STRIP2: variants seen among roughly 807,000 people sequenced by gnomAD.
The protein encoded by STRIP2 is striatin-interacting protein 2.
In STRIP2, 84 loss-of-function variants were observed where a neutral mutation model predicts 107.1. The observed-to-expected ratio is 0.78, with a 90% CI of 0.66 to 0.94. The LOEUF (loss-of-function observed/expected upper bound fraction) is 0.94, where lower values mean the gene tolerates loss of function less well. STRIP2 is among the 40% of genes least tolerant of loss of function. STRIP2 has a pLI of 0.00. For synonymous variants in STRIP2, 394 were observed against 400.4 expected (o/e 0.98, Z 0.19); for missense variants, 888 against 1,034.2 (o/e 0.86, Z 1.94).
intron 3 of STRIP2, among the ~76,000 whole-genome samples, chr7:129,451,219 G>A (rs1287357757): frequency 2.0e-5 from 3 of 152,042 alleles, no homozygotes; most frequent in African/African-American, 7.2e-5. Context: ...GATTACAGGC[G>A]TGAGCCACCG....
At chr7:129,459,983 C>T (rs1043552555) in intron 12 of STRIP2, among the ~76,000 whole-genome samples, 1 of 152,166 alleles carries the variant, frequency 6.6e-6, no homozygotes, top group African/African-American at 2.4e-5. Context: ...CATCAAAATT[C>T]TCAGGGCAGT....
chr7:129,462,974 G>A lies in STRIP2; in HGVS notation c.1485G>A (p.Glu495=), dbSNP rs774709000. The A allele has an allele frequency of 1.2e-6, 2 of 1,614,008 alleles. No homozygotes were observed. The highest frequency in any genetic ancestry group is 1.7e-6 in the Non-Finnish European group (2 of 1,179,902). The change falls in exon 14 of 21, where the codon GAG becomes GAA. Residue 495 remains glutamate (E), a synonymous_variant. Coordinates refer to ENST00000249344, the MANE Select transcript of STRIP2 (RefSeq NM_020704.3). Reference sequence around the variant, plus strand: ...TGTATTTCTTGCCATAGGGGGAAGAGGTGGTACCAGAGACGCCATGTGAAA... The same window carrying A: ...TGTATTTCTTGCCATAGGGGGAAGAAGTGGTACCAGAGACGCCATGTGAAA... The part of the protein sequence containing the change: ...LEKCPMSLGE[E]VVPETPCEIL...
Position 129,482,975 on chromosome 7 carries a change from A to G in STRIP2, c.2183A>G (p.Asn728Ser). The change falls in exon 20 of 21, where the codon AAC becomes AGC. Residue 728 changes from asparagine (N) to serine (S), a missense_variant. Physicochemically the swap from Asn to Ser is conservative, Grantham distance 46. Transcript: ENST00000249344. ...CTGGGGCGCCAATGGAGGAAAAGCA[A>G]CATGAAAACCATGTCAGCCATTTAC... is the stretch of plus-strand genomic sequence containing the variant. ...KYLGRQWRKSNMKTMSAIYQK... is the reference protein window; with the variant it reads ...KYLGRQWRKSSMKTMSAIYQK... 2 of 1,614,228 alleles carry G rather than the reference A, an allele frequency of 1.2e-6. No individual in the cohort carries two copies. Among genetic ancestry groups the G allele is most frequent in the Non-Finnish European group, 1.7e-6 (2 of 1,180,030 alleles).
chr7:129,460,298 C>T lies in STRIP2; in HGVS notation c.1405-3C>T, dbSNP rs1224896342. The T allele has an allele frequency of 6.2e-7, 1 of 1,612,868 alleles. No homozygotes were observed. The highest frequency in any genetic ancestry group is 1.7e-5 in the Admixed American group (1 of 59,856). On this transcript the variant is annotated splice_polypyrimidine_tract_variant and splice_region_variant and intron_variant, in intron 12 of 20. Transcript: ENST00000249344. ...CTTGTTGATGTCTTCTTATCTTTGT[C>T]AGCACAAGTATATCTCCATCGCAGA...
At chr7:129,448,979 C>T (rs1190254150) in intron 3 of STRIP2, among the ~76,000 whole-genome samples, 2 of 152,208 alleles carry the variant, frequency 1.3e-5, no homozygotes, top group Non-Finnish European at 2.9e-5. Flanking sequence ...ATCCACTCCA[C>T]CATCCCAATC....
chr7:129,466,134 T>C (rs1035451544), intron 16 of STRIP2, among the ~76,000 whole-genome samples: 1 of 152,108 alleles, frequency 6.6e-6, no homozygotes, highest in African/African-American at 2.4e-5. Flanking sequence ...TGTTTACTTC[T>C]GCTTTTCTTG....
Position 129,456,548 on chromosome 7 carries a change from G to T in STRIP2, c.944G>T (p.Arg315Leu). The T allele has an allele frequency of 6.2e-7, 1 of 1,614,084 alleles. No homozygotes were observed. The highest frequency in any genetic ancestry group is 8.5e-7 in the Non-Finnish European group (1 of 1,180,028). The change falls in exon 9 of 21, where the codon CGT becomes CTT. Residue 315 changes from arginine to leucine, a missense_variant. Physicochemically the swap from Arg to Leu is moderately radical, Grantham distance 102 (BLOSUM62 -2). Transcript: ENST00000249344. ...AGTATCCAGGTGGTGAAGAGCATGC[G>T]TGCTGCCTCCCCGCCCTCTTACACT... ...EDSIQVVKSMRAASPPSYTLD... is the reference protein window; with the variant it reads ...EDSIQVVKSMLAASPPSYTLD...
chr7:129,475,275 A>G (rs894626762), intron 18 of STRIP2, among the ~76,000 whole-genome samples: 1 of 152,156 alleles, frequency 6.6e-6, no homozygotes, highest in Non-Finnish European at 1.5e-5. Flanking sequence ...TGTGCAAGGA[A>G]ATGCTTTGGG....
Position 129,482,978 on chromosome 7 carries a change from T to A in STRIP2, c.2186T>A (p.Met729Lys), listed in dbSNP as rs776224236. ...GGGCGCCAATGGAGGAAAAGCAACA[T>A]GAAAACCATGTCAGCCATTTACCAG... ...YLGRQWRKSNMKTMSAIYQKV... is the reference protein window; with the variant it reads ...YLGRQWRKSNKKTMSAIYQKV... The change falls in exon 20 of 21, where the codon ATG (methionine) becomes AAG (lysine). Residue 729 changes from methionine to lysine, a missense_variant. By Grantham distance (95) the Met-to-Lys change is moderately conservative (BLOSUM62 -1). Coordinates refer to ENST00000249344, the MANE Select transcript of STRIP2 (RefSeq NM_020704.3). 1 of 1,614,070 alleles carries A rather than the reference T, an allele frequency of 6.2e-7. No individual in the cohort carries two copies. Among genetic ancestry groups the A allele is most frequent in the African/African-American group, 1.3e-5 (1 of 74,916 alleles).
chr7:129,477,993 TTG>T, intron 18 of STRIP2: 1 of 501,102 alleles, frequency 2.0e-6, no homozygotes, highest in South Asian at 1.5e-5. Flanking sequence ...TTAATGAATC[TTG>T]TGATAGATAA....
chr7:129,447,336 C>A (rs1030308475), intron 3 of STRIP2, among the ~76,000 whole-genome samples: 3 of 152,204 alleles, frequency 2.0e-5, no homozygotes, highest in African/African-American at 4.8e-5. Context: ...AATGAAGCAA[C>A]TTATCCTTCA....
At chr7:129,447,019 C>T (rs1798055944) in intron 3 of STRIP2, among the ~76,000 whole-genome samples, 1 of 152,190 alleles carries the variant, frequency 6.6e-6, no homozygotes, top group Admixed American at 6.5e-5. Context: ...GGCCTTGCTC[C>T]AAAATCCTAA....
chr7:129,466,535 G>A (rs971824594), intron 16 of STRIP2, among the ~76,000 whole-genome samples: 2 of 152,106 alleles, frequency 1.3e-5, no homozygotes, highest in Admixed American at 6.6e-5. Flanking sequence ...AGAATACTAG[G>A]TTCTGGATCT....
chr7:129,464,521 G>C (rs1160917585), intron 15 of STRIP2, 91 bp from the exon 16 acceptor site: 1 of 1,420,008 alleles, frequency 7.0e-7, no homozygotes. Context: ...TGGCTCTCTT[G>C]TGTATATTGT....
At chr7:129,457,715 T>G (rs1280379616) in intron 9 of STRIP2, among the ~76,000 whole-genome samples, 1 of 152,248 alleles carries the variant, frequency 6.6e-6, no homozygotes, top group African/African-American at 2.4e-5. Flanking sequence ...ACCCACAATC[T>G]TAACAACCAG....
At chr7:129,442,686 C>T (rs1465460951) in intron 2 of STRIP2, among the ~76,000 whole-genome samples, 1 of 152,166 alleles carries the variant, frequency 6.6e-6, no homozygotes, top group Non-Finnish European at 1.5e-5. Flanking sequence ...TTCACCTCTC[C>T]ACTAATGACT....
At chr7:129,467,041 A>ACTCCC (rs1798686606) in intron 16 of STRIP2, among the ~76,000 whole-genome samples, 1 of 152,174 alleles carries the variant, frequency 6.6e-6, no homozygotes, top group Non-Finnish European at 1.5e-5. Flanking sequence ...TCCCTCGGGG[A>ACTCCC]GCCTTCCTTT....
chr7:129,471,636 T>C (rs1331697581), intron 18 of STRIP2, among the ~76,000 whole-genome samples: 1 of 152,234 alleles, frequency 6.6e-6, no homozygotes, highest in Non-Finnish European at 1.5e-5. Flanking sequence ...GTACAGGTTT[T>C]ATAGAACCAT....
At chr7:129,447,351 A>G (rs1018885578) in intron 3 of STRIP2, among the ~76,000 whole-genome samples, 1 of 152,206 alleles carries the variant, frequency 6.6e-6, no homozygotes, top group Non-Finnish European at 1.5e-5. Context: ...CCTTCACCTA[A>G]GAAGGAATAT....
Sources: gnomAD v4.1 joint callset for allele counts (sites outside exome capture counted in the v4.1 genomes callset) on GRCh38, gnomAD v4.1.1 for gene constraint, MANE v1.5 for transcripts, NCBI Gene and HGNC (gene_info 2026-07-23, HGNC 2026-07-21) for gene names.